The following RBFOX1 variants were observed in gnomAD, a reference collection of about 807,000 sequenced individuals.
RBFOX1 encodes RNA binding protein fox-1 homolog 1.
A neutral mutation model predicts 57.7 loss-of-function variants in RBFOX1; 8 were observed. The ratio of observed to expected loss-of-function variants is 0.14; its 90% CI spans 0.08 to 0.25. RBFOX1 has a LOEUF of 0.25. RBFOX1 is among the 10% of genes least tolerant of loss of function. RBFOX1 has a pLI of 1.00. For missense variants in RBFOX1, 611 were observed against 548.5 expected, an observed-to-expected ratio of 1.11 and a Z score of -1.14; for synonymous variants, 326 against 222.4, an observed-to-expected ratio of 1.47 and a Z score of -4.15.
rs1277094741 is a variant in RBFOX1, at chr16:5,683,623, C to G, written c.318+84662C>G. Among the ~76,000 whole-genome samples the G allele has an allele frequency of 2.4e-4, 36 of 152,052 alleles. 1 individual carries two copies. The highest frequency in any genetic ancestry group is 1.5e-5 in the Non-Finnish European group (1 of 68,006). ...ATGCCTCCTGCCCTTGAACATCAGACTCCAAGTTCTTTAGTTCTGGGACTT... is the reference window on the plus strand; with the variant it reads ...ATGCCTCCTGCCCTTGAACATCAGAGTCCAAGTTCTTTAGTTCTGGGACTT... On this transcript the variant is annotated intron_variant, in intron 3 of 19. Transcript: ENST00000641259.
intron 13 of RBFOX1, among the ~76,000 whole-genome samples, chr16:7,672,049 A>G (rs760735384): frequency 4.6e-5 from 7 of 152,226 alleles, no homozygotes; most frequent in Non-Finnish European, 1.0e-4. Context: ...GAATGGGGTT[A>G]AATCAAGAAT....
At chr16:5,768,462 C>T (rs879843116) in intron 3 of RBFOX1, among the ~76,000 whole-genome samples, 17 of 152,198 alleles carry the variant, frequency 1.1e-4, no homozygotes, top group Middle Eastern at 3.2e-3. Flanking sequence ...TTCCACGTGG[C>T]CCTGTCAGGA....
At chr16:6,302,378 G>A (rs942722390) in intron 1 of RBFOX1, among the ~76,000 whole-genome samples, 12 of 152,078 alleles carry the variant, frequency 7.9e-5, no homozygotes, top group Admixed American at 7.9e-4. Context: ...GTACCAAATG[G>A]CTTGGTTGTT....
At chr16:6,159,900 G>A (rs1293726288) in intron 1 of RBFOX1, among the ~76,000 whole-genome samples, 1 of 152,094 alleles carries the variant, frequency 6.6e-6, no homozygotes, top group Non-Finnish European at 1.5e-5. Flanking sequence ...AATTTGTGCT[G>A]CTCTTTTCTT....
At chr16:6,726,523 G>T (rs953352662) in intron 3 of RBFOX1, among the ~76,000 whole-genome samples, 1 of 151,898 alleles carries the variant, frequency 6.6e-6, no homozygotes, top group Non-Finnish European at 1.5e-5. Flanking sequence ...TCAAAGTACA[G>T]TGCCTGGACA....
chr16:5,830,684 G>T (rs953499286), intron 3 of RBFOX1, among the ~76,000 whole-genome samples: 5 of 152,174 alleles, frequency 3.3e-5, no homozygotes, highest in African/African-American at 1.2e-4. Context: ...ATGTCAGTGT[G>T]TCCTCTCTGC....
chr16:7,687,230 A>C (rs935386886), intron 14 of RBFOX1, among the ~76,000 whole-genome samples: 2 of 152,060 alleles, frequency 1.3e-5, no homozygotes, highest in Admixed American at 1.3e-4. Flanking sequence ...GGGCAGGTAA[A>C]AAATATGAAT....
chr16:7,343,295 G>C (rs1243403257), intron 4 of RBFOX1, among the ~76,000 whole-genome samples: 1 of 152,146 alleles, frequency 6.6e-6, no homozygotes, highest in Non-Finnish European at 1.5e-5. Context: ...TCGAAGTCCC[G>C]CTGCATCCAG....
chr16:5,269,148 C>T (rs1428785909), intron 1 of RBFOX1, among the ~76,000 whole-genome samples: 1 of 80,634 alleles, frequency 1.2e-5, no homozygotes, highest in Non-Finnish European at 2.9e-5. Context: ...AACTCCTGGC[C>T]TCAGGTGATA....
At chr16:5,779,438 G>T (rs192756810) in intron 3 of RBFOX1, among the ~76,000 whole-genome samples, 25 of 152,256 alleles carry the variant, frequency 1.6e-4, no homozygotes, top group African/African-American at 6.0e-4. Context: ...ACATAAAAAC[G>T]CATTTCTTTC....
intron 10 of RBFOX1, among the ~76,000 whole-genome samples, chr16:7,629,898 A>T (rs944647199): frequency 6.6e-6 from 1 of 152,234 alleles, no homozygotes; most frequent in Non-Finnish European, 1.5e-5. Context: ...GCGGGAATAC[A>T]GAAGCCGAAG....
At chr16:7,160,352 A>C (rs1229969594) in intron 4 of RBFOX1, among the ~76,000 whole-genome samples, 1 of 152,186 alleles carries the variant, frequency 6.6e-6, no homozygotes, top group Non-Finnish European at 1.5e-5. Flanking sequence ...ATGAAAAAGT[A>C]AACGAATAAA....
At chr16:7,028,542 G>C (rs1451254475) in intron 3 of RBFOX1, among the ~76,000 whole-genome samples, 1 of 134,832 alleles carries the variant, frequency 7.4e-6, no homozygotes, top group Admixed American at 8.5e-5. Flanking sequence ...AGCTGAGGTT[G>C]AAGCATTGCA....
chr16:6,948,732 G>C (rs968532789), intron 3 of RBFOX1, among the ~76,000 whole-genome samples: 26 of 152,078 alleles, frequency 1.7e-4, no homozygotes, highest in African/African-American at 5.8e-4. Flanking sequence ...ACTATGTTTT[G>C]AAATGTTCAC....
chr16:7,339,006 T>C lies in RBFOX1; in HGVS notation c.28-179141T>C, dbSNP rs372898977. Among the ~76,000 whole-genome samples the C allele has an allele frequency of 2.0e-5, 3 of 152,310 alleles. No homozygotes were observed. The South Asian group carries it at 6.2e-4, about 32-fold the overall frequency. On this transcript the variant is annotated intron_variant, in intron 4 of 15. Transcript: ENST00000550418. ...TCCATCTTAGTCACTAAGCGGACTT[T>C]TCTGTACTGCCAAAGAGGCCATGTC...
intron 2 of RBFOX1, among the ~76,000 whole-genome samples, chr16:6,651,309 G>A (rs1457317918): frequency 6.6e-6 from 1 of 152,178 alleles, no homozygotes; most frequent in African/African-American, 2.4e-5. Context: ...GCCCCAGGTC[G>A]CCATCTTTCT....
chr16:5,628,754 C>A (rs2048416519), intron 3 of RBFOX1, among the ~76,000 whole-genome samples: 1 of 152,176 alleles, frequency 6.6e-6, no homozygotes, highest in African/African-American at 2.4e-5. Flanking sequence ...GTTCCAAGGG[C>A]AGGATTTTAT....
chr16:7,565,253 G>GT (rs2091390304), intron 5 of RBFOX1, among the ~76,000 whole-genome samples: 2 of 41,946 alleles, frequency 4.8e-5, no homozygotes, highest in Non-Finnish European at 1.3e-4. Context: ...GAGTTGATCT[G>GT]GTATGCATGA....
intron 3 of RBFOX1, among the ~76,000 whole-genome samples, chr16:5,716,835 C>G (rs1309413399): frequency 6.6e-6 from 1 of 152,214 alleles, no homozygotes; most frequent in Non-Finnish European, 1.5e-5. Flanking sequence ...GCATGACCAT[C>G]AGTGGCAGAT....
Sources: allele counts gnomAD v4.1 joint callset (sites outside exome capture counted in the v4.1 genomes callset), GRCh38; gene constraint gnomAD v4.1.1; transcripts MANE v1.5; gene names NCBI Gene and HGNC (gene_info 2026-07-23, HGNC 2026-07-21).